The following CDC14B variants were observed in gnomAD, a reference collection of about 807,000 sequenced individuals.
The protein encoded by CDC14B is cell division cycle 14B, also known as dual specificity protein phosphatase CDC14B.
A neutral mutation model predicts 64.2 loss-of-function variants in CDC14B; 22 were observed. The ratio of observed to expected loss-of-function variants is 0.34; its 90% CI spans 0.24 to 0.49. CDC14B has a LOEUF of 0.49. Ranked by LOEUF, CDC14B falls within the 20% of genes least tolerant of loss-of-function variation. CDC14B has a pLI of 0.99. For synonymous variants in CDC14B, 191 were observed against 215.8 expected, an observed-to-expected ratio of 0.89 and a Z score of 1.01; for missense variants, 498 against 629.9, an observed-to-expected ratio of 0.79 and a Z score of 2.24.
At chr9:96,523,782 G>C (rs1285264351) in intron 9 of CDC14B, 57 bp from the exon 10 acceptor site, 2 of 1,575,092 alleles carry the variant, frequency 1.3e-6, no homozygotes, top group Non-Finnish European at 1.7e-6. Flanking sequence ...CCAGGATTTT[G>C]TTGGGCAGGC....
At chr9:96,507,597 G>A (rs1834337599) in intron 13 of CDC14B, among the ~76,000 whole-genome samples, 1 of 151,926 alleles carries the variant, frequency 6.6e-6, no homozygotes, top group Non-Finnish European at 1.5e-5. Flanking sequence ...TGTATTTTTA[G>A]TAGAGACAGA....
intron 7 of CDC14B, among the ~76,000 whole-genome samples, chr9:96,537,201 G>C (rs1216584805): frequency 6.6e-6 from 1 of 151,974 alleles, no homozygotes; most frequent in Non-Finnish European, 1.5e-5. Context: ...GAGGTGGGAG[G>C]ATCACTTGAA....
At chr9:96,612,247 G>T (rs1847367651) in intron 1 of CDC14B, among the ~76,000 whole-genome samples, 1 of 152,200 alleles carries the variant, frequency 6.6e-6, no homozygotes, top group South Asian at 2.1e-4. Flanking sequence ...GGAACACACT[G>T]CATTTCCACT....
chr9:96,523,198 C>T (rs1466894655), intron 11 of CDC14B, 63 bp downstream of exon 11: 5 of 1,540,890 alleles, frequency 3.2e-6, no homozygotes, highest in Admixed American at 1.7e-5. Flanking sequence ...TTCTCCATAC[C>T]CTGACAGGTT....
chr9:96,598,183 T>A (rs1298749537), intron 1 of CDC14B, among the ~76,000 whole-genome samples: 2 of 152,214 alleles, frequency 1.3e-5, no homozygotes, highest in Non-Finnish European at 1.5e-5. Context: ...TAGAAAAATG[T>A]GCAAAGAATA....
intron 13 of CDC14B, among the ~76,000 whole-genome samples, chr9:96,505,997 G>C (rs1261750786): frequency 6.6e-6 from 1 of 152,198 alleles, no homozygotes; most frequent in East Asian, 1.9e-4. Context: ...GAGCCTCTCA[G>C]TAAAACCAAA....
chr9:96,561,518 G>A (rs1489024274), intron 4 of CDC14B, among the ~76,000 whole-genome samples: 5 of 151,754 alleles, frequency 3.3e-5, no homozygotes, highest in Admixed American at 6.5e-5. Context: ...TCGCTCTGTC[G>A]CCCAGGCTGG....
At chr9:96,563,073 A>G (rs542750426) in intron 3 of CDC14B, among the ~76,000 whole-genome samples, 17 of 152,202 alleles carry the variant, frequency 1.1e-4, no homozygotes, top group Admixed American at 7.2e-4. Context: ...GGTAGAAAAG[A>G]CCACCTTTCC....
intron 1 of CDC14B, among the ~76,000 whole-genome samples, chr9:96,590,253 G>C (rs942055368): frequency 2.0e-5 from 3 of 152,136 alleles, no homozygotes; most frequent in Non-Finnish European, 4.4e-5. Context: ...TTGTCTTTTC[G>C]TGACAAGCTT....
chr9:96,612,703 C>G (rs1847399940), intron 1 of CDC14B, among the ~76,000 whole-genome samples: 1 of 152,236 alleles, frequency 6.6e-6, no homozygotes, highest in Non-Finnish European at 1.5e-5. Flanking sequence ...AGTTCTCCCT[C>G]AGACCCTCCC....
At chr9:96,568,267 G>A (rs1372359326) in intron 1 of CDC14B, among the ~76,000 whole-genome samples, 1 of 152,210 alleles carries the variant, frequency 6.6e-6, no homozygotes, top group Middle Eastern at 3.4e-3. Flanking sequence ...CTCTCCAACT[G>A]GGGAAGACCT....
At chr9:96,525,101 A>G (rs1468930420) in intron 9 of CDC14B, among the ~76,000 whole-genome samples, 4 of 152,226 alleles carry the variant, frequency 2.6e-5, no homozygotes, top group African/African-American at 9.7e-5. Context: ...ACAGGGAATC[A>G]GGAACTAGAG....
intron 1 of CDC14B, among the ~76,000 whole-genome samples, chr9:96,569,709 C>T (rs1229060856): frequency 6.6e-6 from 1 of 151,956 alleles, no homozygotes; most frequent in African/African-American, 2.4e-5. Context: ...ACTGCAACCT[C>T]CACCTCCCAG....
intron 1 of CDC14B, among the ~76,000 whole-genome samples, chr9:96,603,155 GACAC>G (rs5899295): frequency 0.014 from 1,998 of 138,076 alleles, 35 homozygotes; most frequent in South Asian, 0.033. Context: ...GATAGAAACG[GACAC>G]ACACACACAC....
chr9:96,593,800 C>T (rs1263881823), intron 1 of CDC14B, among the ~76,000 whole-genome samples: 2 of 151,978 alleles, frequency 1.3e-5, no homozygotes, highest in African/African-American at 4.8e-5. Flanking sequence ...GAAGAGATGT[C>T]AAGAGAAGTC....
chr9:96,534,609 C>T (rs1310794543), intron 7 of CDC14B, 67 bp from the exon 8 acceptor site: 5 of 1,046,552 alleles, frequency 4.8e-6, no homozygotes, highest in South Asian at 2.7e-5. Flanking sequence ...CTACTCAAGA[C>T]TGAGTCTCTG....
rs1454460454 is a variant in CDC14B at position 96,501,225 on chromosome 9, T to C, written c.*2528A>G. On this transcript the variant is annotated 3_prime_UTR_variant, in exon 14 of 14. Transcript: ENST00000375241. ...GGACTGTCCCTGACTTTTGATAATT[T>C]TGAGTCCCCAGAAAGCTTCAAGAGC... The C allele has an allele frequency of 1.3e-5, 2 of 152,250 alleles. No individual in the cohort carries two copies. Among genetic ancestry groups the C allele is most frequent in the African/African-American group, 4.8e-5 (2 of 41,466 alleles). The allele number at this position is 152,250 out of a possible 1,614,324, so 9.4% of individuals were successfully genotyped here.
chr9:96,525,178 G>A (rs1329258705), intron 9 of CDC14B, among the ~76,000 whole-genome samples: 4 of 152,064 alleles, frequency 2.6e-5, no homozygotes, highest in Non-Finnish European at 5.9e-5. Flanking sequence ...AGTCAAGGGT[G>A]TGGCTGGACA....
At chr9:96,505,611 T>C (rs1317762397) in intron 13 of CDC14B, among the ~76,000 whole-genome samples, 2 of 151,498 alleles carry the variant, frequency 1.3e-5, no homozygotes, top group African/African-American at 4.8e-5. Context: ...CGGAGCCAAT[T>C]ATTCACTGGA....
Sources: allele counts gnomAD v4.1 joint callset (sites outside exome capture counted in the v4.1 genomes callset), GRCh38; gene constraint gnomAD v4.1.1; transcripts MANE v1.5; gene names NCBI Gene and HGNC (gene_info 2026-07-23, HGNC 2026-07-21).